Variants in TMED3 observed in about 807,000 individuals in gnomAD.
The protein encoded by TMED3 is transmembrane p24 trafficking protein 3, also known as transmembrane emp24 domain-containing protein 3.
Under a neutral mutation model 15.0 loss-of-function variants are expected in TMED3, and 9 were observed. The observed-to-expected ratio is 0.60, with a 90% CI of 0.36 to 1.04. TMED3 has a LOEUF of 1.04. Ranked by LOEUF, TMED3 falls within the 50% of genes least tolerant of loss-of-function variation. The probability of loss-of-function intolerance (pLI) is 0.01; values close to 1 mark genes in which losing one functional copy is unlikely to be tolerated. For synonymous variants in TMED3, 117 were observed against 121.4 expected (o/e 0.96, Z 0.24); for missense variants, 267 against 278.9 (o/e 0.96, Z 0.30).
chr15:79,408,923 T>G (rs937086825), intron 2 of TMED3, among the ~76,000 whole-genome samples: 7 of 152,228 alleles, frequency 4.6e-5, no homozygotes, highest in Admixed American at 1.3e-4. Flanking sequence ...TCTCTTTTGG[T>G]CTCTGTAATT....
chr15:79,378,284 G>A (rs898021125), intron 2 of TMED3, among the ~76,000 whole-genome samples: 3 of 152,172 alleles, frequency 2.0e-5, no homozygotes, highest in African/African-American at 7.2e-5. Flanking sequence ...ATTTACGGTA[G>A]GGATGGCTGT....
intron 2 of TMED3, among the ~76,000 whole-genome samples, chr15:79,317,965 C>T (rs1358944989): frequency 3.3e-5 from 5 of 152,220 alleles, no homozygotes; most frequent in African/African-American, 4.8e-5. Flanking sequence ...CAGAGCCACA[C>T]GATAAAGTCT....
chr15:79,313,619 A>C, intron 1 of TMED3, 138 bp from the exon 2 acceptor site: 1 of 1,147,004 alleles, frequency 8.7e-7, no homozygotes, highest in Non-Finnish European at 1.2e-6. Context: ...TAAAATGAGA[A>C]GTGGCGTAGC....
chr15:79,380,789 A>G (rs1452145229), intron 2 of TMED3, among the ~76,000 whole-genome samples: 1 of 152,094 alleles, frequency 6.6e-6, no homozygotes, highest in Admixed American at 6.6e-5. Flanking sequence ...TGTCTCACTT[A>G]GCCTCACAGA....
intron 2 of TMED3, among the ~76,000 whole-genome samples, chr15:79,399,171 A>G (rs1893801219): frequency 6.6e-6 from 1 of 152,170 alleles, no homozygotes; most frequent in South Asian, 2.1e-4. Flanking sequence ...TCGGCCTCCC[A>G]AAGTGCTGGA....
chr15:79,333,525 G>T (rs1481967455), intron 2 of TMED3, among the ~76,000 whole-genome samples: 1 of 152,170 alleles, frequency 6.6e-6, no homozygotes, highest in Non-Finnish European at 1.5e-5. Flanking sequence ...TTTTCCTTCT[G>T]CAGGTTTGTG....
rs557682861 is a variant in TMED3, at chr15:79,358,444, T to C, written c.417+44439T>C. ...TGCTGCTGACAGAAGAAAATTATGT[T>C]TGGCTGTGGATTGCAGTCTAGACTG... On this transcript the variant is annotated intron_variant, in intron 2 of 2. Transcript: ENST00000424155. Among the ~76,000 whole-genome samples, 6 of 152,260 alleles carry C rather than the reference T, an allele frequency of 3.9e-5. No individual in the cohort carries two copies. In the East Asian group the frequency reaches 1.2e-3, roughly 29 times the overall value.
exon 3 of TMED3, chr15:79,412,594 G>A (rs550615422): frequency 6.6e-6 from 1 of 152,626 alleles, no homozygotes; most frequent in South Asian, 2.1e-4. Flanking sequence ...ATGCGAAGTT[G>A]CCATTGGGCG....
chr15:79,404,961 G>A (rs1477408469), intron 2 of TMED3, among the ~76,000 whole-genome samples: 10 of 152,314 alleles, frequency 6.6e-5, no homozygotes, highest in Admixed American at 4.6e-4. Context: ...CATAGGCCAC[G>A]GGTATAAGTT....
chr15:79,378,802 G>A (rs913012172), intron 2 of TMED3, among the ~76,000 whole-genome samples: 1 of 152,198 alleles, frequency 6.6e-6, no homozygotes, highest in Non-Finnish European at 1.5e-5. Flanking sequence ...AATGTAATAT[G>A]ATTTAGTATC....
At chr15:79,384,402 G>C (rs1489941248) in intron 2 of TMED3, 1 of 152,298 alleles carries the variant, frequency 6.6e-6, no homozygotes, top group East Asian at 1.9e-4. Flanking sequence ...GAATAGGAAA[G>C]AGTGTGGCAC....
intron 2 of TMED3, 91 bp downstream of exon 2, chr15:79,314,096 T>A: frequency 6.6e-7 from 1 of 1,508,694 alleles, no homozygotes; most frequent in Middle Eastern, 2.2e-4. Flanking sequence ...GGAGTCATCA[T>A]CCATCCAGCT....
intron 2 of TMED3, among the ~76,000 whole-genome samples, chr15:79,395,205 G>T (rs2141255225): frequency 6.6e-6 from 1 of 152,244 alleles, no homozygotes; most frequent in African/African-American, 2.4e-5. Context: ...TTGAGATGGA[G>T]TTCCACTCTT....
chr15:79,376,543 C>T (rs1053169648), intron 2 of TMED3, among the ~76,000 whole-genome samples: 2 of 152,100 alleles, frequency 1.3e-5, no homozygotes, highest in Non-Finnish European at 2.9e-5. Context: ...TTTGTCAGGG[C>T]TGCTTGCAGA....
chr15:79,352,695 AAT>A (rs956979805), intron 2 of TMED3, among the ~76,000 whole-genome samples: 2 of 143,698 alleles, frequency 1.4e-5, no homozygotes, highest in Non-Finnish European at 3.0e-5. Context: ...TATGTAACTG[AAT>A]ATATATATAT....
At chr15:79,312,261 T>C (rs1379971772) in intron 1 of TMED3, among the ~76,000 whole-genome samples, 1 of 152,222 alleles carries the variant, frequency 6.6e-6, no homozygotes, top group Non-Finnish European at 1.5e-5. Context: ...TTAGAGGCAC[T>C]GAAGGAAGCT....
At chr15:79,342,574 G>A (rs917692969) in intron 2 of TMED3, among the ~76,000 whole-genome samples, 4 of 152,104 alleles carry the variant, frequency 2.6e-5, no homozygotes, top group African/African-American at 7.2e-5. Context: ...AAAAGAAGTT[G>A]ATAAATCTAA....
At chr15:79,311,570 C>T (rs1252849782) in intron 1 of TMED3, among the ~76,000 whole-genome samples, 153 bp downstream of exon 1, 2 of 152,140 alleles carry the variant, frequency 1.3e-5, no homozygotes, top group African/African-American at 4.8e-5. Flanking sequence ...TTGACTTCCC[C>T]GTGAGGAGGA....
At chr15:79,407,709 CA>C (rs774393746) in intron 2 of TMED3, among the ~76,000 whole-genome samples, 1 of 152,164 alleles carries the variant, frequency 6.6e-6, no homozygotes, top group Non-Finnish European at 1.5e-5. Context: ...ACTAAAACAA[CA>C]AAGCTGACAA....
Sources: gnomAD v4.1 joint callset for allele counts (sites outside exome capture counted in the v4.1 genomes callset) on GRCh38, gnomAD v4.1.1 for gene constraint, MANE v1.5 for transcripts, NCBI Gene and HGNC (gene_info 2026-07-23, HGNC 2026-07-21) for gene names.